Variants in MED16 observed in about 807,000 individuals in gnomAD.
MED16 encodes mediator of RNA polymerase II transcription subunit 16.
MED16 carries 81 observed loss-of-function variants against 84.4 expected under a neutral mutation model. The observed-to-expected ratio is 0.96, with a 90% CI of 0.80 to 1.15. MED16 has a LOEUF of 1.15. Among genes scored for constraint, MED16 ranks in the 50% most tolerant of loss-of-function variants. The pLI is 0.00. For missense variants in MED16, 1,585 were observed against 1,245.9 expected, an observed-to-expected ratio of 1.27 and a Z score of -4.10; for synonymous variants, 897 against 552.2, an observed-to-expected ratio of 1.62 and a Z score of -8.76.
intron 4 of MED16, among the ~76,000 whole-genome samples, chr19:886,664 G>A (rs1463529962): frequency 6.6e-6 from 1 of 152,264 alleles, no homozygotes; most frequent in African/African-American, 2.4e-5. Flanking sequence ...TAGCACTCAG[G>A]AAGTGCTGTG....
At chr19:870,708 A>G (rs2036027075) in intron 13 of MED16, among the ~76,000 whole-genome samples, 1 of 150,788 alleles carries the variant, frequency 6.6e-6, no homozygotes, top group African/African-American at 2.4e-5. Flanking sequence ...CCATGACTGG[A>G]GAACATGGAG....
rs1331139846 is a variant in MED16, at chr19:882,434, G to GGATTT, written c.986-721_986-720insAAATC. Among the ~76,000 whole-genome samples the GGATTT allele has an allele frequency of 2.0e-5, 3 of 152,338 alleles. No individual in the cohort carries two copies. The East Asian group carries it at 5.8e-4, about 29-fold the overall frequency. ...CCCAGCTACTCAGGAGGCTGAGGTA[G>GGATTT]GATTGCTCGAGCCCAGGAAGATGAG... is the stretch of plus-strand genomic sequence containing the variant. On this transcript the variant is annotated intron_variant, in intron 6 of 15. Transcript: ENST00000325464.
In MED16 at chr19:890,264, T is replaced by C; in HGVS notation, c.170-20A>G. 6.7e-7 allele frequency: 1 copy of C among 1,495,356 alleles called. No individual in the cohort carries two copies. The highest frequency in any genetic ancestry group is 9.0e-7 in the Non-Finnish European group (1 of 1,110,838). The allele number at this position is 1,495,356 out of a possible 1,614,324, so 92.6% of individuals were successfully genotyped here. A position where few individuals can be genotyped will look rare whatever the true frequency, so the allele number is the denominator to read the frequency against. On this transcript the variant is annotated intron_variant, in intron 2 of 15. Coordinates refer to ENST00000325464, the MANE Select transcript of MED16 (RefSeq NM_005481.3). ...TCAGGTCTGTGGGGACGGGGCATGG[T>C]CAGCACGGCCTGGCACCACAGCCTG...
At position 885,798 on chromosome 19, in the gene MED16, T is replaced by C; in HGVS notation, c.851A>G (p.Lys284Arg). 3.7e-6 allele frequency: 6 copies of C among 1,611,894 alleles called. No individual in the cohort carries two copies. The highest frequency in any genetic ancestry group is 1.3e-5 in the African/African-American group (1 of 75,042). The change falls in exon 5 of 16, where the codon AAG (lysine) becomes AGG (arginine). Residue 284 changes from lysine to arginine, a missense_variant. By Grantham distance (26) the Lys-to-Arg change is conservative. Coordinates refer to ENST00000325464, the MANE Select transcript of MED16 (RefSeq NM_005481.3). The stretch of plus-strand genomic sequence containing the variant: ...CTCCGACATGTCCCGGGCCAGGAAC[T>C]TGAGGTGGGTGATGGCGGGAAACTT... Reference protein sequence around the residue: ...KDKFPAITHLKFLARDMSEQV... With the variant: ...KDKFPAITHLRFLARDMSEQV...
At chr19:874,730 G>A (rs917161119) in intron 10 of MED16, among the ~76,000 whole-genome samples, 3 of 152,006 alleles carry the variant, frequency 2.0e-5, no homozygotes, top group East Asian at 1.9e-4. Context: ...ATTAAAAACC[G>A]GGTGTGGTGG....
At chr19:890,037 T>G in intron 3 of MED16, 100 bp downstream of exon 3, 1 of 952,936 alleles carries the variant, frequency 1.0e-6, no homozygotes, top group East Asian at 2.6e-5. Context: ...CCAGGGGCTC[T>G]AGACCCAGCG....
At chr19:876,942 G>C in intron 9 of MED16, 32 bp downstream of exon 9, 1 of 1,581,236 alleles carries the variant, frequency 6.3e-7, no homozygotes, top group Non-Finnish European at 8.6e-7. Context: ...GCCCCCACCT[G>C]CCACGGGGCC....
chr19:868,845 G>A lies in MED16; in HGVS notation c.2399+18C>T, dbSNP rs755795385. Reference sequence around the variant, plus strand: ...AGCGGCACATCTCTGGGAGTCAGCGGTTCCGGGGGCCCCTCACCTGGTGCA... The same window carrying A: ...AGCGGCACATCTCTGGGAGTCAGCGATTCCGGGGGCCCCTCACCTGGTGCA... On this transcript the variant is annotated intron_variant, in intron 14 of 15. Coordinates refer to ENST00000325464, the MANE Select transcript of MED16 (RefSeq NM_005481.3). 2.2e-5 allele frequency: 34 copies of A among 1,544,674 alleles called. No individual in the cohort carries two copies. The highest frequency in any genetic ancestry group is 2.7e-5 in the African/African-American group (2 of 73,220).
At chr19:889,352 G>A (rs2036587507) in intron 4 of MED16, among the ~76,000 whole-genome samples, 1 of 151,782 alleles carries the variant, frequency 6.6e-6, no homozygotes, top group South Asian at 2.1e-4. Flanking sequence ...CAGTGAAAGA[G>A]ATAACTCACT....
chr19:871,725 G>T (rs1022699960), intron 12 of MED16: 4 of 1,123,492 alleles, frequency 3.6e-6, no homozygotes, highest in East Asian at 2.4e-5. Context: ...TGTTCTGGCG[G>T]GGGGCTCAGG....
chr19:879,496 G>C (rs1055075092), intron 8 of MED16, among the ~76,000 whole-genome samples: 7 of 12,784 alleles, frequency 5.5e-4, no homozygotes, highest in Non-Finnish European at 8.1e-4. Flanking sequence ...CCAGCCCCAC[G>C]TGCCCCAGCA....
rs749156048 is a variant in MED16 at position 880,013 on chromosome 19, C to A, written c.1277G>T (p.Gly426Val). 4 of 1,610,216 alleles carry A rather than the reference C, an allele frequency of 2.5e-6. No individual in the cohort carries two copies. The South Asian group carries it at 3.3e-5, about 13-fold the overall frequency. Residue 426 changes from glycine (G) to valine (V), a missense_variant, in exon 8 of 16, where the codon GGC (glycine) becomes GTC (valine). Gly to Val is a moderately radical substitution (Grantham distance 109). Coordinates refer to ENST00000325464, the MANE Select transcript of MED16 (RefSeq NM_005481.3). ...CATAGCCTTTAAGTGGACGGCGGGG[C>A]CCGCGGTGCGGGGGCGCTTCATGGC... is the stretch of plus-strand genomic sequence containing the variant. Reference protein sequence around the residue: ...EPAMKRPRTAGPAVHLKAMQL... With the variant: ...EPAMKRPRTAVPAVHLKAMQL...
At chr19:876,915 C>A in intron 9 of MED16, 59 bp downstream of exon 9, 1 of 1,433,596 alleles carries the variant, frequency 7.0e-7, no homozygotes, top group Non-Finnish European at 9.3e-7. Context: ...TGCCACGGGG[C>A]CCCCACCTGC....
rs199855041 is a variant in MED16 at position 875,272 on chromosome 19, G to A, written c.1743C>T (p.Thr581=). The change falls in exon 10 of 16, where the codon ACC becomes ACT. Residue 581 remains threonine, a synonymous_variant. Transcript: ENST00000325464. The stretch of plus-strand genomic sequence containing the variant: ...CGTCGGTGATCTTGGTGCAGATCTC[G>A]GTCAGCCGGTCGCCGGGGCTCTTGT... The part of the protein sequence containing the change: ...TPDKSPGDRL[T]EICTKITDVD... 251 of 1,611,068 alleles carry A rather than the reference G, an allele frequency of 1.6e-4. 1 individual carries two copies. In the East Asian group the frequency reaches 3.1e-3, roughly 20 times the overall value.
intron 6 of MED16, among the ~76,000 whole-genome samples, 188 bp from the exon 7 acceptor site, chr19:881,902 G>A (rs992873496): frequency 1.3e-5 from 2 of 152,170 alleles, no homozygotes; most frequent in African/African-American, 4.8e-5. Context: ...GCCACTCATT[G>A]GTTCCAGGAT....
chr19:887,004 A>G (rs1438840958), intron 4 of MED16, among the ~76,000 whole-genome samples: 1 of 149,740 alleles, frequency 6.7e-6, no homozygotes, highest in Non-Finnish European at 1.5e-5. Flanking sequence ...GCTGGAATCC[A>G]GGAGGTGGTG....
chr19:885,040 G>A lies in MED16; in HGVS notation c.880-32C>T, dbSNP rs371135411. On this transcript the variant is annotated intron_variant, in intron 5 of 15. Transcript: ENST00000325464. ...GGGAGGTGGGGGTGAGGGCTGACCC[G>A]GCACTGCTGTGGTGGCCACGCCACC... The A allele has an allele frequency of 4.5e-4, 685 of 1,531,268 alleles. 6 individuals carry two copies. In the South Asian group the frequency reaches 6.4e-3, roughly 14 times the overall value. 94.9% of individuals were successfully genotyped at this position (1,531,268 alleles called of 1,614,324 possible). A position where few individuals can be genotyped will look rare whatever the true frequency, so the allele number is the denominator to read the frequency against.
At chr19:872,222 G>A (rs1048086475) in intron 11 of MED16, 104 bp from the exon 12 acceptor site, 12 of 941,880 alleles carry the variant, frequency 1.3e-5, no homozygotes, top group African/African-American at 6.6e-5. Flanking sequence ...GCAATGGGCA[G>A]GGTCTGGGAC....
rs1479235051 is a variant in MED16 at position 893,096 on chromosome 19, C to G, written c.-29G>C. 6.6e-6 allele frequency: 1 copy of G among 152,342 alleles called. No individual in the cohort carries two copies. The highest frequency in any genetic ancestry group is 6.5e-5 in the Admixed American group (1 of 15,286). 9.4% of individuals were successfully genotyped at this position (152,342 alleles called of 1,614,324 possible). A position where few individuals can be genotyped will look rare whatever the true frequency, so the allele number is the denominator to read the frequency against. ...CAGCCCCGCACTCACCTGGTCGGCC[C>G]GTGCGCCAAGCTCAGCGGGCGTCCG... On this transcript the variant is annotated 5_prime_UTR_variant, in exon 1 of 16. Coordinates refer to ENST00000325464, the MANE Select transcript of MED16 (RefSeq NM_005481.3).
Sources: gnomAD v4.1 joint callset for allele counts (sites outside exome capture counted in the v4.1 genomes callset) on GRCh38, gnomAD v4.1.1 for gene constraint, MANE v1.5 for transcripts, NCBI Gene and HGNC (gene_info 2026-07-23, HGNC 2026-07-21) for gene names.